Variants in PSD3 observed in about 807,000 individuals in gnomAD.
PSD3 encodes PH and SEC7 domain-containing protein 3.
A neutral mutation model predicts 105.5 loss-of-function variants in PSD3; 49 were observed. That is an observed-to-expected ratio of 0.46 (90% CI 0.37 to 0.59). The LOEUF is 0.59. Among genes scored for constraint, PSD3 ranks in the 20% least tolerant of loss-of-function variants. PSD3 has a pLI of 0.00. For synonymous variants in PSD3, 557 were observed against 457.8 expected, an observed-to-expected ratio of 1.22 and a Z score of -2.77; for missense variants, 1,561 against 1,263.8, an observed-to-expected ratio of 1.24 and a Z score of -3.57.
chr8:18,901,881 G>A (rs576053804), intron 2 of PSD3, among the ~76,000 whole-genome samples: 13 of 152,298 alleles, frequency 8.5e-5, no homozygotes, highest in African/African-American at 3.1e-4. Flanking sequence ...TAAGGTTTCT[G>A]CAGAGAAATG....
intron 11 of PSD3, among the ~76,000 whole-genome samples, chr8:18,611,866 A>G (rs1450901999): frequency 6.6e-6 from 1 of 152,152 alleles, no homozygotes; most frequent in East Asian, 1.9e-4. Context: ...CCTTATCTAC[A>G]CTGTTTTGTA....
rs759289825 is a variant in PSD3 at position 18,632,631 on chromosome 8, C to T, written c.2392G>A (p.Asp798Asn). The change falls in exon 11 of 16, where the codon GAT (aspartate) becomes AAT (asparagine). Residue 798 changes from aspartate to asparagine, a missense_variant. By Grantham distance (23) the Asp-to-Asn change is conservative. Coordinates refer to ENST00000327040, the MANE Select transcript of PSD3 (RefSeq NM_015310.4). ...TACTTACTCTTCTTTCCATCCATAT[C>T]TGCATGAATTTTCCGAGCCAAGAAT... Reference protein sequence around the residue: ...SGFLARKIHADMDGKKTPRGK... With the variant: ...SGFLARKIHANMDGKKTPRGK... The T allele has an allele frequency of 1.2e-5, 20 of 1,611,818 alleles. No homozygotes were observed. Among genetic ancestry groups the T allele is most frequent in the Admixed American group, 1.7e-5 (1 of 59,724 alleles).
At chr8:18,561,080 C>T (rs1324214262) in intron 14 of PSD3, among the ~76,000 whole-genome samples, 2 of 152,220 alleles carry the variant, frequency 1.3e-5, no homozygotes, top group East Asian at 1.9e-4. Context: ...AGCAATCCCA[C>T]TTCTGAGTAT....
At chr8:18,579,579 AT>A (rs1802680072) in intron 12 of PSD3, among the ~76,000 whole-genome samples, 1 of 152,204 alleles carries the variant, frequency 6.6e-6, no homozygotes, top group Non-Finnish European at 1.5e-5. Context: ...AATGCTATTT[AT>A]TTTAAATCCA....
At chr8:18,918,937 C>A (rs1820807964) in intron 2 of PSD3, among the ~76,000 whole-genome samples, 1 of 152,126 alleles carries the variant, frequency 6.6e-6, no homozygotes, top group African/African-American at 2.4e-5. Context: ...TTTAATAATC[C>A]TCTAAAGCTT....
chr8:18,579,842 C>A (rs551402515), intron 12 of PSD3, among the ~76,000 whole-genome samples: 2 of 151,898 alleles, frequency 1.3e-5, no homozygotes, highest in Admixed American at 6.6e-5. Context: ...TTACTTCATG[C>A]CTCATTAAAT....
intron 12 of PSD3, among the ~76,000 whole-genome samples, chr8:18,593,782 C>G (rs527965793): frequency 6.3e-4 from 96 of 151,818 alleles, no homozygotes; most frequent in African/African-American, 2.2e-3. Flanking sequence ...CACCATGGAA[C>G]ACTATGCAGC....
chr8:18,560,818 C>A (rs1801350545), intron 14 of PSD3, among the ~76,000 whole-genome samples: 1 of 152,174 alleles, frequency 6.6e-6, no homozygotes. Flanking sequence ...GTATCCCCTT[C>A]AAACTTCATA....
intron 2 of PSD3, among the ~76,000 whole-genome samples, chr8:18,880,805 C>T (rs970848074): frequency 1.3e-5 from 2 of 152,170 alleles, no homozygotes; most frequent in Non-Finnish European, 2.9e-5. Context: ...TGAATTTGGT[C>T]TTGTATGTGT....
intron 2 of PSD3, among the ~76,000 whole-genome samples, chr8:18,902,404 T>G (rs1024087439): frequency 1.3e-5 from 2 of 152,208 alleles, no homozygotes; most frequent in Non-Finnish European, 2.9e-5. Flanking sequence ...TTTTCCTGAC[T>G]TCATTAAATT....
chr8:18,723,421 G>C (rs1803133972), intron 9 of PSD3, among the ~76,000 whole-genome samples: 1 of 152,116 alleles, frequency 6.6e-6, no homozygotes. Context: ...TCATTTTATA[G>C]AAAGTCATTA....
intron 9 of PSD3, among the ~76,000 whole-genome samples, chr8:18,692,350 G>A (rs78533752): frequency 0.022 from 3,309 of 152,246 alleles, 101 homozygotes; most frequent in African/African-American, 0.074. Context: ...AGAATCACAA[G>A]GTACTGCAGC....
chr8:19,053,987 G>A (rs1828619745), intron 1 of PSD3, among the ~76,000 whole-genome samples: 1 of 152,218 alleles, frequency 6.6e-6, no homozygotes, highest in Admixed American at 6.5e-5. Flanking sequence ...AGCCAAAAGA[G>A]GACTCCTTGA....
intron 2 of PSD3, among the ~76,000 whole-genome samples, chr8:18,895,251 G>T (rs573292382): frequency 6.6e-6 from 1 of 152,294 alleles, no homozygotes; most frequent in African/African-American, 2.4e-5. Flanking sequence ...TCTGGCAGAT[G>T]CCCCATGTCA....
intron 12 of PSD3, among the ~76,000 whole-genome samples, chr8:18,580,050 A>G (rs535533558): frequency 3.7e-4 from 57 of 152,308 alleles, no homozygotes; most frequent in Middle Eastern, 3.4e-3. Context: ...ACTGGCATTA[A>G]AAATGTTTTT....
At chr8:18,899,180 C>G (rs1819339298) in intron 2 of PSD3, among the ~76,000 whole-genome samples, 1 of 152,136 alleles carries the variant, frequency 6.6e-6, no homozygotes, top group Non-Finnish European at 1.5e-5. Context: ...GCACTCATCT[C>G]CAGCAATTCA....
At chr8:18,983,581 T>C (rs1256125030) in intron 1 of PSD3, among the ~76,000 whole-genome samples, 2 of 152,166 alleles carry the variant, frequency 1.3e-5, no homozygotes, top group African/African-American at 4.8e-5. Context: ...TATTGTTGTG[T>C]CTCAGGGAAT....
At chr8:18,575,042 C>G in intron 13 of PSD3, 86 bp downstream of exon 13, 1 of 1,387,354 alleles carries the variant, frequency 7.2e-7, no homozygotes. Flanking sequence ...AAAAATTTCC[C>G]CTGCAGAGCT....
chr8:18,651,353 C>A (rs565283345), intron 10 of PSD3, among the ~76,000 whole-genome samples: 52 of 152,354 alleles, frequency 3.4e-4, no homozygotes, highest in South Asian at 1.9e-3. Context: ...CTCTAAGGTT[C>A]TAACATCCAC....
Sources: allele counts gnomAD v4.1 joint callset (sites outside exome capture counted in the v4.1 genomes callset), GRCh38; gene constraint gnomAD v4.1.1; transcripts MANE v1.5; gene names NCBI Gene and HGNC (gene_info 2026-07-23, HGNC 2026-07-21).